NDFIP2: variants seen among roughly 807,000 people sequenced by gnomAD.
NDFIP2 encodes the protein NEDD4 family-interacting protein 2.
In NDFIP2, 19 loss-of-function variants were observed where a neutral mutation model predicts 36.0. The ratio of observed to expected loss-of-function variants is 0.53; its 90% CI spans 0.37 to 0.77. The LOEUF is 0.77. NDFIP2 is among the 30% of genes least tolerant of loss of function. The probability of loss-of-function intolerance (pLI) is 0.00; values close to 1 mark genes in which losing one functional copy is unlikely to be tolerated. For missense variants in NDFIP2, 446 were observed against 435.8 expected (o/e 1.02, Z -0.21); for synonymous variants, 181 against 167.7 (o/e 1.08, Z -0.61).
chr13:79,510,830 C>T (rs548967612), intron 1 of NDFIP2, among the ~76,000 whole-genome samples: 2 of 152,024 alleles, frequency 1.3e-5, no homozygotes, highest in East Asian at 3.9e-4. Context: ...GAAACCCTGT[C>T]TCTACTAAAA....
chr13:79,482,500 C>T (rs142940376), intron 1 of NDFIP2, among the ~76,000 whole-genome samples: 171 of 152,008 alleles, frequency 1.1e-3, no homozygotes, highest in African/African-American at 4.0e-3. Context: ...AACTTTCAGC[C>T]CATTTACTGA....
intron 1 of NDFIP2, among the ~76,000 whole-genome samples, chr13:79,519,523 A>T (rs183414791): frequency 6.6e-6 from 1 of 152,106 alleles, no homozygotes. Context: ...CTTGGCTTTA[A>T]TTCCTTACTC....
chr13:79,494,682 C>T (rs1186260550), intron 1 of NDFIP2, among the ~76,000 whole-genome samples: 1 of 151,924 alleles, frequency 6.6e-6, no homozygotes, highest in Non-Finnish European at 1.5e-5. Context: ...CTGTTTGTCG[C>T]ACTCTAAGTC....
intron 1 of NDFIP2, among the ~76,000 whole-genome samples, chr13:79,487,662 A>G (rs955486003): frequency 2.0e-5 from 3 of 152,174 alleles, no homozygotes; most frequent in Non-Finnish European, 4.4e-5. Context: ...TCCACCATCA[A>G]TGTATGAAGT....
intron 1 of NDFIP2, among the ~76,000 whole-genome samples, chr13:79,519,405 A>T (rs1874475784): frequency 6.6e-6 from 1 of 152,202 alleles, no homozygotes; most frequent in South Asian, 2.1e-4. Context: ...TATCGTATTG[A>T]TGCCTTTGAC....
chr13:79,494,680 C>T (rs938399848), intron 1 of NDFIP2, among the ~76,000 whole-genome samples: 3 of 151,820 alleles, frequency 2.0e-5, no homozygotes, highest in Non-Finnish European at 4.4e-5. Context: ...TCCTGTTTGT[C>T]GCACTCTAAG....
chr13:79,481,366 G>C lies in NDFIP2; in HGVS notation c.163G>C (p.Gly55Arg), dbSNP rs1284114009. The C allele has an allele frequency of 1.3e-6, 2 of 1,552,884 alleles. No individual in the cohort carries two copies. The highest frequency in any genetic ancestry group is 1.7e-6 in the Non-Finnish European group (2 of 1,148,546). The change falls in exon 1 of 8, where the codon GGC (glycine) becomes CGC (arginine). Residue 55 changes from glycine (G) to arginine (R), a missense_variant. Around this residue, in one of 2 missense-constraint regions of NDFIP2, gnomAD observed 369 missense variants for 304.8 expected, o/e 1.21. Coordinates refer to ENST00000218652, the MANE Select transcript of NDFIP2 (RefSeq NM_019080.3). ...GSEELPPGDR[G>R]CRNGGGRGPA... ...TGAAGAGCTTCCGCCGGGAGACCGC[G>C]GCTGCAGGAACGGAGGCGGAAGGGG...
intron 1 of NDFIP2, among the ~76,000 whole-genome samples, chr13:79,484,644 A>G (rs2079832388): frequency 6.6e-6 from 1 of 152,214 alleles, no homozygotes; most frequent in African/African-American, 2.4e-5. Flanking sequence ...TTTCTATGGA[A>G]CATAATTTGA....
chr13:79,521,476 CTCTAG>C (rs1209382647), intron 2 of NDFIP2, among the ~76,000 whole-genome samples: 1 of 152,082 alleles, frequency 6.6e-6, no homozygotes, highest in African/African-American at 2.4e-5. Flanking sequence ...ATTATAACTT[CTCTAG>C]TCTAATAATT....
At chr13:79,484,204 G>A (rs1484676286) in intron 1 of NDFIP2, among the ~76,000 whole-genome samples, 1 of 151,820 alleles carries the variant, frequency 6.6e-6, no homozygotes, top group Non-Finnish European at 1.5e-5. Flanking sequence ...TAGTAGAGAT[G>A]GGGTTTCAGC....
chr13:79,513,635 C>A (rs1359380570), intron 1 of NDFIP2, among the ~76,000 whole-genome samples: 2 of 151,912 alleles, frequency 1.3e-5, no homozygotes, highest in Non-Finnish European at 2.9e-5. Flanking sequence ...GATAGACAAC[C>A]TTAGAGGAAA....
chr13:79,483,242 A>G (rs2079825992), intron 1 of NDFIP2, among the ~76,000 whole-genome samples: 1 of 152,118 alleles, frequency 6.6e-6, no homozygotes, highest in Non-Finnish European at 1.5e-5. Flanking sequence ...TAGGTAGGAC[A>G]TCGATCTGTT....
At chr13:79,548,470 A>G in intron 6 of NDFIP2, 76 bp downstream of exon 6, 3 of 1,099,732 alleles carry the variant, frequency 2.7e-6, no homozygotes, top group Non-Finnish European at 4.0e-6. Context: ...ACTGTGTTGC[A>G]ATTTATGTGG....
chr13:79,481,661 T>A (rs1388533700), intron 1 of NDFIP2, 137 bp downstream of exon 1: 3 of 1,076,896 alleles, frequency 2.8e-6, no homozygotes, highest in Non-Finnish European at 3.9e-6. Flanking sequence ...TTGGATCTTC[T>A]GGCTGGAGCT....
At chr13:79,522,601 G>C (rs980640170) in intron 2 of NDFIP2, among the ~76,000 whole-genome samples, 2 of 152,224 alleles carry the variant, frequency 1.3e-5, no homozygotes, top group Non-Finnish European at 2.9e-5. Flanking sequence ...ACTGTTGTCT[G>C]ATGGTGGCTG....
chr13:79,539,547 A>G, intron 3 of NDFIP2, 135 bp from the exon 4 acceptor site: 1 of 635,980 alleles, frequency 1.6e-6, no homozygotes, highest in Non-Finnish European at 2.8e-6. Flanking sequence ...ACTCTGTGCC[A>G]GACATTGTAC....
Position 79,499,433 on chromosome 13 carries a change from T to A in NDFIP2, c.321+17909T>A, listed in dbSNP as rs140383979. On this transcript the variant is annotated intron_variant, in intron 1 of 7. Transcript: ENST00000218652. Reference sequence around the variant, plus strand: ...ATAGATTGGGAAGGAAGAAATAGAATTGTCTTTGTTTACACAGGAGTTGAT... The same window carrying A: ...ATAGATTGGGAAGGAAGAAATAGAAATGTCTTTGTTTACACAGGAGTTGAT... Among the ~76,000 whole-genome samples, 1,042 of 152,006 alleles carry A rather than the reference T, an allele frequency of 6.9e-3. 46 individuals carry two copies. The highest frequency in any genetic ancestry group is 1.6e-3 in the Non-Finnish European group (111 of 67,862).
At chr13:79,511,290 C>G (rs962103369) in intron 1 of NDFIP2, among the ~76,000 whole-genome samples, 2 of 152,058 alleles carry the variant, frequency 1.3e-5, no homozygotes, top group Admixed American at 1.3e-4. Context: ...ATTTGGGGTA[C>G]AGTATTTTGA....
chr13:79,490,379 T>C (rs1335369), intron 1 of NDFIP2, among the ~76,000 whole-genome samples: 151,743 of 152,294 alleles, frequency 1, 75,597 homozygotes, highest in Middle Eastern at 1. Flanking sequence ...AGTGGTGGTC[T>C]CATGTGACTA....
Sources: gnomAD v4.1 joint callset for allele counts (sites outside exome capture counted in the v4.1 genomes callset) on GRCh38, gnomAD v4.1.1 for gene constraint, gnomAD v4.1.1 regional missense constraint, MANE v1.5 for transcripts, NCBI Gene and HGNC (gene_info 2026-07-23, HGNC 2026-07-21) for gene names.